PIK3CB: variants seen among roughly 807,000 people sequenced by gnomAD.
PIK3CB encodes the protein phosphatidylinositol 4,5-bisphosphate 3-kinase catalytic subunit beta isoform.
Under a neutral mutation model 136.8 loss-of-function variants are expected in PIK3CB, and 39 were observed. That is an observed-to-expected ratio of 0.29 (90% CI 0.22 to 0.37). PIK3CB has a LOEUF of 0.37. PIK3CB is among the 10% of genes least tolerant of loss of function. PIK3CB has a pLI of 1.00. For missense variants in PIK3CB, 868 were observed against 1,275.4 expected (o/e 0.68, Z 4.87); for synonymous variants, 428 against 436.6 (o/e 0.98, Z 0.25).
chr3:138,702,240 A>G (rs1047962703), intron 12 of PIK3CB, among the ~76,000 whole-genome samples: 2 of 145,154 alleles, frequency 1.4e-5, no homozygotes, highest in African/African-American at 5.2e-5. Context: ...CCCAGTTAAT[A>G]CTTTTTTTTT....
chr3:138,796,522 T>C lies in PIK3CB; in HGVS notation c.-76A>G, dbSNP rs547014547. On this transcript the variant is annotated 5_prime_UTR_variant, in exon 2 of 24. Transcript: ENST00000674063. ...AAAACAGATGGCATTACTTATTTTT[T>C]AAAAGTGACGTTTTCATGGAAGACT... is the stretch of plus-strand genomic sequence containing the variant. The C allele has an allele frequency of 3.3e-5, 5 of 152,132 alleles. No individual in the cohort carries two copies. The highest frequency in any genetic ancestry group is 7.4e-5 in the Non-Finnish European group (5 of 68,022). 9.4% of individuals were successfully genotyped at this position (152,132 alleles called of 1,614,324 possible). A position where few individuals can be genotyped will look rare whatever the true frequency, so the allele number is the denominator to read the frequency against.
chr3:138,724,717 G>A (rs963230780), intron 8 of PIK3CB, among the ~76,000 whole-genome samples: 2 of 152,116 alleles, frequency 1.3e-5, no homozygotes, highest in African/African-American at 4.8e-5. Flanking sequence ...TCAGGACACT[G>A]AGACTAGATC....
At chr3:138,806,152 C>A (rs2046231947) in intron 1 of PIK3CB, among the ~76,000 whole-genome samples, 2 of 152,098 alleles carry the variant, frequency 1.3e-5, no homozygotes, top group Admixed American at 6.5e-5. Context: ...ATACACATAT[C>A]AGTGGTTTAT....
chr3:138,829,404 C>T (rs1048252693), intron 1 of PIK3CB, among the ~76,000 whole-genome samples: 5 of 151,998 alleles, frequency 3.3e-5, no homozygotes, highest in African/African-American at 1.2e-4. Context: ...AGAACAGAGG[C>T]AAGGAGACCA....
At chr3:138,703,630 ATAGATG>A (rs1188000273) in intron 12 of PIK3CB, among the ~76,000 whole-genome samples, 4 of 152,008 alleles carry the variant, frequency 2.6e-5, no homozygotes, top group Admixed American at 2.0e-4. Flanking sequence ...ATATAGATAT[ATAGATG>A]TAGATATAGA....
chr3:138,825,505 G>C, intron 1 of PIK3CB: 2 of 684,492 alleles, frequency 2.9e-6, no homozygotes, highest in East Asian at 2.5e-5. Flanking sequence ...CCCCGACACA[G>C]TAGCATTTGT....
intron 19 of PIK3CB, among the ~76,000 whole-genome samples, chr3:138,672,392 G>A (rs986729982): frequency 1.3e-5 from 2 of 152,274 alleles, no homozygotes; most frequent in Middle Eastern, 3.4e-3. Context: ...ATAAAAACTG[G>A]CTGATTGTGT....
At chr3:138,813,271 G>A (rs143162914) in intron 1 of PIK3CB, among the ~76,000 whole-genome samples, 46 of 152,102 alleles carry the variant, frequency 3.0e-4, no homozygotes, top group African/African-American at 9.9e-4. Flanking sequence ...CATAGACTAT[G>A]GTTCACCCAG....
intron 1 of PIK3CB, chr3:138,825,936 A>AC (rs1438620603): frequency 6.4e-7 from 1 of 1,557,470 alleles, no homozygotes; most frequent in African/African-American, 1.4e-5. Flanking sequence ...AGCAAAAATG[A>AC]CCCACCAATG....
chr3:138,661,334 T>C (rs549244327), intron 21 of PIK3CB, among the ~76,000 whole-genome samples: 20 of 152,176 alleles, frequency 1.3e-4, no homozygotes, highest in Non-Finnish European at 2.5e-4. Flanking sequence ...TTGAACAGTA[T>C]ACATGGTGCC....
chr3:138,820,253 A>T (rs1933501881), intron 1 of PIK3CB, among the ~76,000 whole-genome samples: 1 of 152,192 alleles, frequency 6.6e-6, no homozygotes, highest in Non-Finnish European at 1.5e-5. Context: ...AACAGCCCCT[A>T]AACATCAGTC....
chr3:138,810,261 A>C (rs1015047469), intron 1 of PIK3CB, among the ~76,000 whole-genome samples: 1 of 152,180 alleles, frequency 6.6e-6, no homozygotes, highest in African/African-American at 2.4e-5. Context: ...CTTTGTGTAG[A>C]TACACCCCCA....
intron 2 of PIK3CB, among the ~76,000 whole-genome samples, chr3:138,787,284 T>C (rs1210911228): frequency 2.7e-5 from 4 of 150,836 alleles, no homozygotes; most frequent in South Asian, 2.1e-4. Flanking sequence ...GAGAATTGCT[T>C]GAACCTAGGA....
At chr3:138,818,193 T>C (rs935721782) in intron 1 of PIK3CB, among the ~76,000 whole-genome samples, 1 of 152,138 alleles carries the variant, frequency 6.6e-6, no homozygotes, top group Non-Finnish European at 1.5e-5. Context: ...AATAAAATCA[T>C]GGAGGTCCTG....
In PIK3CB at chr3:138,655,482, C is replaced by A. The variant is rs913398864; in HGVS notation, c.3120G>T (p.Gln1040His). 6.2e-7 allele frequency: 1 copy of A among 1,613,046 alleles called. No homozygotes were observed. The highest frequency in any genetic ancestry group is 8.5e-7 in the Non-Finnish European group (1 of 1,178,992). The change falls in exon 24 of 24, where the codon CAG (glutamine) becomes CAT (histidine). Residue 1040 changes from glutamine to histidine, a missense_variant. Gln to His is a conservative substitution (Grantham distance 24). Transcript: ENST00000674063. Reference protein sequence around the residue: ...LGKSEEEALKQFKQKFDEALR... With the variant: ...LGKSEEEALKHFKQKFDEALR... ...GCGCCTCATCAAATTTTTGCTTAAACTGTTTGAGTGCTTCTTCTTCACTCT... is the reference window on the plus strand; with the variant it reads ...GCGCCTCATCAAATTTTTGCTTAAAATGTTTGAGTGCTTCTTCTTCACTCT...
intron 5 of PIK3CB, among the ~76,000 whole-genome samples, 173 bp downstream of exon 5, chr3:138,742,383 AAT>A (rs1369263610): frequency 6.6e-5 from 10 of 152,336 alleles, no homozygotes; most frequent in Non-Finnish European, 7.3e-5. Context: ...ACGTGTACAG[AAT>A]ATCACTTTAG....
rs71146143 is a variant in PIK3CB, at chr3:138,802,219, CAA to C, written c.-121-5654_-121-5653del. On this transcript the variant is annotated intron_variant, in intron 1 of 23. Coordinates refer to ENST00000674063, the MANE Select transcript of PIK3CB (RefSeq NM_006219.3). ...TGAAACCCCGTCTCTACTAAAAATA[CAA>C]AAAAAAAAAAAATCCAGGCATGGTG... 9.7e-3 allele frequency among the ~76,000 whole-genome samples: 1,373 copies of C among 141,172 alleles called. 13 individuals carry two copies. The highest frequency in any genetic ancestry group is 0.027 in the African/African-American group (1,040 of 38,434). The allele number at this position is 141,172 out of a possible 152,430, so 92.6% of individuals were successfully genotyped here.
At chr3:138,793,543 T>C (rs1410868838) in intron 2 of PIK3CB, among the ~76,000 whole-genome samples, 1 of 151,124 alleles carries the variant, frequency 6.6e-6, no homozygotes. Flanking sequence ...GAGGCAGAGG[T>C]TGCAATGAGC....
At chr3:138,764,040 G>A (rs2045696991) in intron 2 of PIK3CB, among the ~76,000 whole-genome samples, 1 of 151,774 alleles carries the variant, frequency 6.6e-6, no homozygotes, top group Non-Finnish European at 1.5e-5. Flanking sequence ...GAACTCGGGA[G>A]GCGGAGGTTG....
Sources: gnomAD v4.1 joint callset for allele counts (sites outside exome capture counted in the v4.1 genomes callset) on GRCh38, gnomAD v4.1.1 for gene constraint, MANE v1.5 for transcripts, NCBI Gene and HGNC (gene_info 2026-07-23, HGNC 2026-07-21) for gene names.